NDUFA9: variants seen among roughly 807,000 people sequenced by gnomAD.
NDUFA9 encodes the protein NADH:ubiquinone oxidoreductase subunit A9, also known as NADH dehydrogenase [ubiquinone] 1 alpha subcomplex subunit 9, mitochondrial.
A neutral mutation model predicts 45.9 loss-of-function variants in NDUFA9; 23 were observed. That is an observed-to-expected ratio of 0.50 (90% CI 0.36 to 0.71). NDUFA9 has a LOEUF of 0.71. Among genes scored for constraint, NDUFA9 ranks in the 30% least tolerant of loss-of-function variants. NDUFA9 has a pLI of 0.00. For synonymous variants in NDUFA9, 176 were observed against 170.5 expected, an observed-to-expected ratio of 1.03 and a Z score of -0.25; for missense variants, 466 against 488.2, an observed-to-expected ratio of 0.95 and a Z score of 0.43.
Position 4,687,020 on chromosome 12 carries a change from C to T in NDUFA9, c.1046C>T (p.Ala349Val), listed in dbSNP as rs1257297028. 1 of 1,614,036 alleles carries T rather than the reference C, an allele frequency of 6.2e-7. No individual in the cohort carries two copies. The highest frequency in any genetic ancestry group is 1.3e-5 in the African/African-American group (1 of 74,910). ...GIQATPLELK[A>V]IEVLRRHRTY... ...CAGGCAACACCACTGGAACTCAAGG[C>T]CATTGAGGTGCTGCGGCGTCATCGC... The change falls in exon 11 of 11, where the codon GCC (alanine) becomes GTC (valine). Residue 349 changes from alanine (A) to valine (V), a missense_variant. Ala to Val is a moderately conservative substitution (Grantham distance 64). Transcript: ENST00000266544.
chr12:4,658,519 T>C (rs796970115), intron 4 of NDUFA9, among the ~76,000 whole-genome samples: 6 of 152,316 alleles, frequency 3.9e-5, no homozygotes, highest in African/African-American at 7.2e-5. Context: ...TTTAGTTTCT[T>C]TTTTTTCCCT....
chr12:4,665,252 C>T (rs1945846440), intron 6 of NDUFA9, among the ~76,000 whole-genome samples: 1 of 152,168 alleles, frequency 6.6e-6, no homozygotes, highest in East Asian at 1.9e-4. Flanking sequence ...CTGTTCCCTC[C>T]TTCCCCCCAG....
In NDUFA9 at chr12:4,649,188, G is replaced by T. The variant is rs761593436; in HGVS notation, c.49+13G>T. On this transcript the variant is annotated intron_variant, in intron 1 of 10. Transcript: ENST00000266544. ...CTGTCAATGTCACGTAAGTGTTACC[G>T]GGAACGGCGGCCCCTGGTCGGGATT... 1.3e-6 allele frequency: 2 copies of T among 1,599,606 alleles called. 1 individual carries two copies. Among genetic ancestry groups the T allele is most frequent in the South Asian group, 2.3e-5 (2 of 88,318 alleles).
chr12:4,670,264 A>G (rs552367562), intron 8 of NDUFA9, among the ~76,000 whole-genome samples: 1 of 152,274 alleles, frequency 6.6e-6, no homozygotes, highest in African/African-American at 2.4e-5. Flanking sequence ...TATTTCTTTT[A>G]TGCTCTTTGC....
chr12:4,651,505 T>A (rs1945759606), intron 1 of NDUFA9, among the ~76,000 whole-genome samples: 1 of 151,984 alleles, frequency 6.6e-6, no homozygotes, highest in African/African-American at 2.4e-5. Flanking sequence ...GGCCCATAAT[T>A]ATTAAAAAAA....
intron 3 of NDUFA9, chr12:4,657,184 C>G (rs947883461): frequency 2.6e-5 from 4 of 152,522 alleles, no homozygotes; most frequent in South Asian, 2.1e-4. Context: ...AGGTAGTTCT[C>G]TTTGACTCTT....
At chr12:4,664,885 C>CTAAGTTTTGGACTAAGTT (rs1945844262) in intron 6 of NDUFA9, among the ~76,000 whole-genome samples, 1 of 152,170 alleles carries the variant, frequency 6.6e-6, no homozygotes, top group African/African-American at 2.4e-5. Flanking sequence ...TTTGGACTTA[C>CTAAGTTTTGGACTAAGTT]TTGGGAGTTG....
At chr12:4,660,556 A>G (rs983510699) in intron 5 of NDUFA9, among the ~76,000 whole-genome samples, 1 of 152,150 alleles carries the variant, frequency 6.6e-6, no homozygotes, top group Non-Finnish European at 1.5e-5. Flanking sequence ...TTGAGAAGGT[A>G]GTTTCAGATT....
intron 8 of NDUFA9, among the ~76,000 whole-genome samples, chr12:4,670,982 CAGTA>C (rs1452150989): frequency 6.6e-6 from 1 of 152,184 alleles, no homozygotes; most frequent in African/African-American, 2.4e-5. Flanking sequence ...GTCTGGGCTC[CAGTA>C]AGTCATTCTT....
intron 3 of NDUFA9, among the ~76,000 whole-genome samples, chr12:4,656,792 T>G (rs1945793215): frequency 6.6e-6 from 1 of 152,232 alleles, no homozygotes; most frequent in African/African-American, 2.4e-5. Context: ...TTTGAAGAGA[T>G]AATTTGTACA....
intron 6 of NDUFA9, among the ~76,000 whole-genome samples, chr12:4,663,992 A>AACATCAC (rs1945838710): frequency 6.6e-6 from 1 of 152,202 alleles, no homozygotes; most frequent in Non-Finnish European, 1.5e-5. Context: ...TGGAAGGTAG[A>AACATCAC]ACTTGTGAGT....
intron 8 of NDUFA9, among the ~76,000 whole-genome samples, chr12:4,673,039 G>T (rs925084471): frequency 6.6e-6 from 1 of 152,222 alleles, no homozygotes; most frequent in African/African-American, 2.4e-5. Context: ...GAAGGAACAG[G>T]CAACAATCTT....
rs755972689 is a variant in NDUFA9, at chr12:4,669,787, A to T, written c.770A>T (p.Asp257Val). 2.5e-6 allele frequency: 4 copies of T among 1,612,962 alleles called. No individual in the cohort carries two copies. Among genetic ancestry groups the T allele is most frequent in the Non-Finnish European group, 3.4e-6 (4 of 1,179,080 alleles). The change falls in exon 8 of 11, where the codon GAT (aspartate) becomes GTT (valine). Residue 257 changes from aspartate to valine, a missense_variant. Transcript: ENST00000266544. The part of the protein sequence containing the change: ...KGIVNAVKDP[D>V]ANGKSFAFVG... ...ATTGTTAATGCAGTTAAGGATCCTG[A>T]TGCCAATGGGAAATCCTTTGCTTTC...
intron 5 of NDUFA9, 73 bp downstream of exon 5, chr12:4,659,250 G>A: frequency 7.4e-7 from 1 of 1,346,192 alleles, no homozygotes; most frequent in Non-Finnish European, 1.0e-6. Context: ...CATGATTTCA[G>A]TGAGAAGGGT....
intron 1 of NDUFA9, among the ~76,000 whole-genome samples, chr12:4,653,282 G>C (rs1268795278): frequency 6.6e-6 from 1 of 152,216 alleles, no homozygotes; most frequent in Non-Finnish European, 1.5e-5. Flanking sequence ...CTTAATTGTA[G>C]AAGAGGGATT....
intron 8 of NDUFA9, among the ~76,000 whole-genome samples, chr12:4,677,694 G>A (rs1945928308): frequency 6.6e-6 from 1 of 152,014 alleles, no homozygotes; most frequent in Admixed American, 6.6e-5. Flanking sequence ...TCCACTGTTG[G>A]TGGAAGTGTA....
rs761839520 is a variant in NDUFA9 at position 4,657,765 on chromosome 12, T to G, written c.336T>G (p.Asp112Glu). The G allele has an allele frequency of 3.1e-6, 5 of 1,613,306 alleles. No individual in the cohort carries two copies. Among genetic ancestry groups the G allele is most frequent in the Non-Finnish European group, 4.2e-6 (5 of 1,179,546 alleles). Residue 112 changes from aspartate (D) to glutamate (E), a missense_variant, in exon 4 of 11, where the codon GAT becomes GAG. Transcript: ENST00000266544. The part of the protein sequence containing the change: ...QLLFLEWDAR[D>E]KDSIRRVVQH... ...TATTATAGGAATGGGACGCGAGAGA[T>G]AAAGATTCTATCCGACGAGTAGTAC...
intron 1 of NDUFA9, among the ~76,000 whole-genome samples, chr12:4,649,897 T>TA (rs1277355938): frequency 6.6e-6 from 1 of 152,230 alleles, no homozygotes; most frequent in Non-Finnish European, 1.5e-5. Flanking sequence ...ACTGAAAACA[T>TA]ACATTTGTCC....
chr12:4,674,316 C>T (rs1365241326), intron 8 of NDUFA9, among the ~76,000 whole-genome samples: 2 of 152,156 alleles, frequency 1.3e-5, no homozygotes, highest in African/African-American at 4.8e-5. Flanking sequence ...TCACACATAA[C>T]AATATTAACC....
Sources: gnomAD v4.1 joint callset for allele counts (sites outside exome capture counted in the v4.1 genomes callset) on GRCh38, gnomAD v4.1.1 for gene constraint, MANE v1.5 for transcripts, NCBI Gene and HGNC (gene_info 2026-07-23, HGNC 2026-07-21) for gene names.